ACAD11: variants seen among roughly 807,000 people sequenced by gnomAD.
The protein encoded by ACAD11 is acyl-Coenzyme A dehydrogenase family, member 11.
Under a neutral mutation model 102.2 loss-of-function variants are expected in ACAD11, and 83 were observed. That is an observed-to-expected ratio of 0.81 (90% CI 0.68 to 0.97). The LOEUF (loss-of-function observed/expected upper bound fraction) is 0.97, where lower values mean the gene tolerates loss of function less well. ACAD11 is among the 50% of genes least tolerant of loss of function. ACAD11 has a pLI of 0.00. For missense variants in ACAD11, 901 were observed against 951.7 expected (o/e 0.95, Z 0.70); for synonymous variants, 324 against 319.8 (o/e 1.01, Z -0.14).
Position 132,611,742 on chromosome 3 carries a change from A to G in ACAD11, c.1415-6537T>C, listed in dbSNP as rs1408612443. Among the ~76,000 whole-genome samples the G allele has an allele frequency of 4.6e-5, 7 of 152,186 alleles. No homozygotes were observed. In the South Asian group the frequency reaches 6.2e-4, roughly 14 times the overall value. ...ATAAAAGAGGATACAAAGAAATGGA[A>G]GAACATTCCATGCTCTTGGGTAGGA... On this transcript the variant is annotated intron_variant, in intron 11 of 19. Coordinates refer to ENST00000264990, the MANE Select transcript of ACAD11 (RefSeq NM_032169.5).
intron 13 of ACAD11, among the ~76,000 whole-genome samples, chr3:132,586,212 A>C (rs1481997371): frequency 6.6e-6 from 1 of 152,184 alleles, no homozygotes; most frequent in Non-Finnish European, 1.5e-5. Context: ...GAAGCTGGAA[A>C]CCATCATTTT....
chr3:132,596,863 T>C (rs569361008), intron 13 of ACAD11, among the ~76,000 whole-genome samples: 1 of 152,352 alleles, frequency 6.6e-6, no homozygotes, highest in South Asian at 2.1e-4. Flanking sequence ...ATTTAATCTT[T>C]GATAATTTAG....
rs560861023 is a variant in ACAD11, at chr3:132,633,286, G to A, written c.703-1807C>T. ...TTATTGAGAGTTTTTAGCATGAAGG[G>A]TTGTTGAATTTTGTCTAAAGCCTTT... On this transcript the variant is annotated intron_variant, in intron 5 of 19. Coordinates refer to ENST00000264990, the MANE Select transcript of ACAD11 (RefSeq NM_032169.5). 8.5e-4 allele frequency among the ~76,000 whole-genome samples: 129 copies of A among 152,284 alleles called. 1 individual carries two copies. Among genetic ancestry groups the A allele is most frequent in the Non-Finnish European group, 1.6e-3 (106 of 68,026 alleles).
chr3:132,625,990 C>A (rs1358022870), intron 9 of ACAD11, among the ~76,000 whole-genome samples: 8 of 152,196 alleles, frequency 5.3e-5, no homozygotes, highest in Non-Finnish European at 1.2e-4. Flanking sequence ...CACATATAAA[C>A]AGCCTGCCCC....
intron 5 of ACAD11, among the ~76,000 whole-genome samples, chr3:132,633,081 G>A (rs1940118034): frequency 6.6e-6 from 1 of 152,144 alleles, no homozygotes; most frequent in South Asian, 2.1e-4. Flanking sequence ...TCTCCTGCCT[G>A]ATTGCCTGGC....
intron 18 of ACAD11, 118 bp downstream of exon 18, chr3:132,560,983 T>C (rs948654465): frequency 1.6e-5 from 12 of 746,490 alleles, no homozygotes; most frequent in Non-Finnish European, 2.8e-5. Flanking sequence ...CAAAATCACA[T>C]GGGGGCTTCC....
intron 17 of ACAD11, among the ~76,000 whole-genome samples, chr3:132,568,915 G>A (rs1372268953): frequency 6.6e-6 from 1 of 151,538 alleles, no homozygotes; most frequent in African/African-American, 2.4e-5. Flanking sequence ...GACACATTAT[G>A]GGAGAAAATC....
At chr3:132,563,547 G>A (rs1461842790) in intron 17 of ACAD11, among the ~76,000 whole-genome samples, 2 of 152,078 alleles carry the variant, frequency 1.3e-5, no homozygotes, top group African/African-American at 4.8e-5. Flanking sequence ...GTTGTAAATG[G>A]TATTTTAAAA....
intron 14 of ACAD11, 165 bp from the exon 15 acceptor site, chr3:132,579,046 C>T: frequency 2.6e-6 from 4 of 1,510,544 alleles, no homozygotes; most frequent in Non-Finnish European, 3.5e-6. Context: ...TAGTCTGATG[C>T]AGGCTGTGAT....
rs530931913 is a variant in ACAD11, at chr3:132,587,380, C to G, written c.1622-7822G>C. Among the ~76,000 whole-genome samples, 10 of 152,228 alleles carry G rather than the reference C, an allele frequency of 6.6e-5. 1 individual carries two copies. The highest frequency in any genetic ancestry group is 2.4e-4 in the African/African-American group (10 of 41,556). On this transcript the variant is annotated intron_variant, in intron 13 of 19. Transcript: ENST00000264990. ...TCTTCAAGTTCGTTCATTCTTTCCT[C>G]TGTTATCTCCATTATGTTATTAAGC...
At chr3:132,637,036 T>C (rs979489407) in intron 5 of ACAD11, among the ~76,000 whole-genome samples, 9 of 152,146 alleles carry the variant, frequency 5.9e-5, no homozygotes, top group African/African-American at 1.2e-4. Flanking sequence ...GATAAAATCA[T>C]GTGGCATAAA....
At chr3:132,593,575 C>T (rs1428846520) in intron 13 of ACAD11, among the ~76,000 whole-genome samples, 2 of 152,148 alleles carry the variant, frequency 1.3e-5, no homozygotes, top group Non-Finnish European at 2.9e-5. Flanking sequence ...CATTTCTATA[C>T]ATTATTGGTA....
chr3:132,586,900 C>T (rs911841465), intron 13 of ACAD11, among the ~76,000 whole-genome samples: 1 of 152,168 alleles, frequency 6.6e-6, no homozygotes, highest in Non-Finnish European at 1.5e-5. Context: ...CGAGACCAGC[C>T]TGGCCAACAT....
At chr3:132,647,710 A>G (rs1940768298) in intron 1 of ACAD11, among the ~76,000 whole-genome samples, 1 of 152,174 alleles carries the variant, frequency 6.6e-6, no homozygotes. Flanking sequence ...TATGGGTACC[A>G]CCTTGATTTA....
At chr3:132,643,748 G>T (rs572670335) in intron 2 of ACAD11, among the ~76,000 whole-genome samples, 6 of 152,224 alleles carry the variant, frequency 3.9e-5, no homozygotes, top group Admixed American at 2.0e-4. Flanking sequence ...GTAAGGGGGA[G>T]AGGGCAAAAG....
chr3:132,625,625 C>T (rs1470194490), intron 9 of ACAD11, among the ~76,000 whole-genome samples: 1 of 151,872 alleles, frequency 6.6e-6, no homozygotes, highest in Non-Finnish European at 1.5e-5. Context: ...GAAATTATAC[C>T]CTATTCTGTG....
intron 5 of ACAD11, among the ~76,000 whole-genome samples, chr3:132,634,052 C>T (rs1007634209): frequency 1.3e-5 from 2 of 152,074 alleles, no homozygotes; most frequent in Non-Finnish European, 2.9e-5. Flanking sequence ...CCAAAATTGA[C>T]AAATAGGATC....
chr3:132,618,928 T>G (rs1249123410), intron 10 of ACAD11, 156 bp from the exon 11 acceptor site: 1 of 559,008 alleles, frequency 1.8e-6, no homozygotes, highest in Non-Finnish European at 2.8e-6. Context: ...CAAAACCAAG[T>G]TCTTATTAAT....
At chr3:132,637,410 A>C (rs1462874676) in intron 5 of ACAD11, among the ~76,000 whole-genome samples, 1 of 152,120 alleles carries the variant, frequency 6.6e-6, no homozygotes, top group Non-Finnish European at 1.5e-5. Context: ...GGGCTTATGG[A>C]TTCTAAATTA....
Sources: allele counts gnomAD v4.1 joint callset (sites outside exome capture counted in the v4.1 genomes callset), GRCh38; gene constraint gnomAD v4.1.1; transcripts MANE v1.5; gene names NCBI Gene and HGNC (gene_info 2026-07-23, HGNC 2026-07-21).